The following BCAS1 variants were observed in gnomAD, a reference collection of about 807,000 sequenced individuals.
BCAS1 encodes breast carcinoma-amplified sequence 1.
BCAS1 carries 46 observed loss-of-function variants against 65.4 expected under a neutral mutation model. That is an observed-to-expected ratio of 0.70 (90% CI 0.55 to 0.90). The LOEUF is 0.90. Ranked by LOEUF, BCAS1 falls within the 40% of genes least tolerant of loss-of-function variation. The pLI, the probability that BCAS1 is intolerant of heterozygous loss-of-function variation, is 0.00. For synonymous variants in BCAS1, 298 were observed against 293.5 expected, an observed-to-expected ratio of 1.02 and a Z score of -0.16; for missense variants, 793 against 771.2, an observed-to-expected ratio of 1.03 and a Z score of -0.33.
intron 9 of BCAS1, among the ~76,000 whole-genome samples, chr20:53,969,552 A>G (rs1490545069): frequency 1.3e-5 from 2 of 152,156 alleles, no homozygotes; most frequent in East Asian, 3.9e-4. Context: ...AGGCATTACA[A>G]TAAGGATGGC....
intron 7 of BCAS1, among the ~76,000 whole-genome samples, chr20:53,986,695 C>T (rs1168518282): frequency 6.6e-6 from 1 of 152,060 alleles, no homozygotes; most frequent in Non-Finnish European, 1.5e-5. Context: ...GTCGGGAGTT[C>T]AAGACCAGCC....
rs1398732364 is a variant in BCAS1 at position 54,042,316 on chromosome 20, AAATAATCTGTAC to A, written c.143-13356_143-13345del. 2.0e-5 allele frequency among the ~76,000 whole-genome samples: 3 copies of A among 152,102 alleles called. No homozygotes were observed. In the East Asian group the frequency reaches 5.8e-4, roughly 29 times the overall value. On this transcript the variant is annotated intron_variant, in intron 3 of 12. Transcript: ENST00000688948. ...TACTAGGCTTAGTACCCGGGTGAAAAAATAATCTGTACAACAAACCCCCATGACATGAGTTTA... is the reference window on the plus strand; with the variant it reads ...TACTAGGCTTAGTACCCGGGTGAAAAAACAAACCCCCATGACATGAGTTTA...
At chr20:53,979,919 C>T (rs1326072359) in intron 8 of BCAS1, among the ~76,000 whole-genome samples, 1 of 152,136 alleles carries the variant, frequency 6.6e-6, no homozygotes, top group Non-Finnish European at 1.5e-5. Context: ...TAGAATTTTT[C>T]TTGAGTAATT....
chr20:53,962,015 G>A (rs1411777263), intron 10 of BCAS1, among the ~76,000 whole-genome samples: 2 of 152,192 alleles, frequency 1.3e-5, no homozygotes, highest in African/African-American at 4.8e-5. Flanking sequence ...GAAAAGTGCT[G>A]AACGACTACA....
intron 9 of BCAS1, among the ~76,000 whole-genome samples, chr20:53,974,573 TA>T (rs2090275341): frequency 6.6e-6 from 1 of 152,214 alleles, no homozygotes; most frequent in African/African-American, 2.4e-5. Context: ...TTATGGCAAG[TA>T]AATAAGGGAC....
intron 8 of BCAS1, 36 bp from the exon 9 acceptor site, chr20:53,975,466 G>A (rs2090306870): frequency 3.1e-6 from 5 of 1,596,538 alleles, no homozygotes; most frequent in Non-Finnish European, 4.3e-6. Flanking sequence ...AGAGTTAAAA[G>A]GTTACAGAAA....
At chr20:53,985,234 T>G in intron 8 of BCAS1, 53 bp downstream of exon 8, 1 of 1,543,070 alleles carries the variant, frequency 6.5e-7, no homozygotes. Flanking sequence ...AGAAATAAGT[T>G]CTGGAGTCAT....
chr20:53,970,609 T>G (rs2090155383), intron 9 of BCAS1, among the ~76,000 whole-genome samples: 1 of 152,202 alleles, frequency 6.6e-6, no homozygotes, highest in Non-Finnish European at 1.5e-5. Context: ...AAATCCCCCC[T>G]GCTTGATTTC....
At position 53,996,004 on chromosome 20, in the gene BCAS1, G is replaced by A. The variant is rs138168398; in HGVS notation, c.770C>T (p.Ala257Val). 186 of 1,611,092 alleles carry A rather than the reference G, an allele frequency of 1.2e-4. No homozygotes were observed. In the African/African-American group the frequency reaches 1.9e-3, roughly 16 times the overall value. Residue 257 changes from alanine (A) to valine (V), a missense_variant, in exon 5 of 13, where the codon GCG (alanine) becomes GTG (valine). By Grantham distance (64) the Ala-to-Val change is moderately conservative (BLOSUM62 0). Transcript: ENST00000688948. ...TGGGTCCCCAGGGACAGAGCAATCCGCAGTTCCAAGTTCTTGTCCTTCTTT... is the reference window on the plus strand; with the variant it reads ...TGGGTCCCCAGGGACAGAGCAATCCACAGTTCCAAGTTCTTGTCCTTCTTT... ...KEKEGQELGT[A>V]DCSVPGDPEG...
rs148049089 is a variant in BCAS1 at position 53,966,427 on chromosome 20, C to T, written c.1485+479G>A. Among the ~76,000 whole-genome samples, 133 of 152,216 alleles carry T rather than the reference C, an allele frequency of 8.7e-4. 1 individual carries two copies. Among genetic ancestry groups the T allele is most frequent in the African/African-American group, 3.0e-3 (124 of 41,526 alleles). On this transcript the variant is annotated intron_variant, in intron 10 of 12. Transcript: ENST00000688948. ...TCACTCATAATTGGGGGCTAAGCTACGAGGATGCAAAAGCATAAAAAATGA... is the reference window on the plus strand; with the variant it reads ...TCACTCATAATTGGGGGCTAAGCTATGAGGATGCAAAAGCATAAAAAATGA...
chr20:54,069,804 TG>T lies in BCAS1; in HGVS notation c.-6+628del. On this transcript the variant is annotated intron_variant, in intron 1 of 12. Coordinates refer to ENST00000688948, the MANE Select transcript of BCAS1 (RefSeq NM_001366298.2). ...GCACCCAGCCAGCCCAGGGTGGAGCTGGGGCTGGCATCTGGCGGTGTGGCTG... is the reference window on the plus strand; with the variant it reads ...GCACCCAGCCAGCCCAGGGTGGAGCTGGGCTGGCATCTGGCGGTGTGGCTG... 2.6e-5 allele frequency among the ~76,000 whole-genome samples: 4 copies of T among 152,290 alleles called. No homozygotes were observed. The Middle Eastern group carries it at 0.014, about 518-fold the overall frequency.
chr20:53,952,182 T>C (rs1396930210), intron 12 of BCAS1, among the ~76,000 whole-genome samples: 3 of 152,254 alleles, frequency 2.0e-5, no homozygotes, highest in Admixed American at 1.3e-4. Context: ...ATTCCAACTT[T>C]ATATATCATA....
At chr20:53,975,289 A>G (rs1600754140) in intron 9 of BCAS1, 100 bp downstream of exon 9, 1 of 974,096 alleles carries the variant, frequency 1.0e-6, no homozygotes. Flanking sequence ...TCACACTGGC[A>G]GCATGCAAGA....
intron 3 of BCAS1, among the ~76,000 whole-genome samples, chr20:54,036,589 C>T (rs370913591): frequency 1.2e-4 from 18 of 151,326 alleles, no homozygotes; most frequent in African/African-American, 4.3e-4. Context: ...TGTCTCTGTG[C>T]CTCAGTTTTC....
intron 8 of BCAS1, among the ~76,000 whole-genome samples, chr20:53,981,742 C>G (rs1600773288): frequency 6.6e-6 from 1 of 151,924 alleles, no homozygotes; most frequent in Non-Finnish European, 1.5e-5. Flanking sequence ...CTCTTTGTCT[C>G]CCCCAAAGGA....
At chr20:53,999,629 A>G (rs2091008036) in intron 4 of BCAS1, among the ~76,000 whole-genome samples, 1 of 152,034 alleles carries the variant, frequency 6.6e-6, no homozygotes, top group Non-Finnish European at 1.5e-5. Context: ...TCTTCTTTGA[A>G]CATGTCAAGT....
intron 6 of BCAS1, among the ~76,000 whole-genome samples, chr20:53,994,708 A>G (rs1000924696): frequency 3.9e-5 from 6 of 152,084 alleles, no homozygotes; most frequent in African/African-American, 1.4e-4. Context: ...TGATGATATA[A>G]TTATTAGTAT....
At chr20:54,012,061 G>T (rs556885274) in intron 4 of BCAS1, among the ~76,000 whole-genome samples, 1 of 152,202 alleles carries the variant, frequency 6.6e-6, no homozygotes, top group African/African-American at 2.4e-5. Context: ...CTTGGCAGTC[G>T]AAAAGGACCA....
At chr20:54,029,062 C>T (rs543189939) in intron 3 of BCAS1, 90 bp from the exon 4 acceptor site, 2 of 1,477,376 alleles carry the variant, frequency 1.4e-6, no homozygotes, top group East Asian at 4.8e-5. Flanking sequence ...TATACAAAAG[C>T]CATACTGCAT....
Sources: gnomAD v4.1 joint callset for allele counts (sites outside exome capture counted in the v4.1 genomes callset) on GRCh38, gnomAD v4.1.1 for gene constraint, MANE v1.5 for transcripts, NCBI Gene and HGNC (gene_info 2026-07-23, HGNC 2026-07-21) for gene names.